EFR3A: variants seen among roughly 807,000 people sequenced by gnomAD.
EFR3A encodes EFR3 homolog A.
In EFR3A, 76 loss-of-function variants were observed where a neutral mutation model predicts 104.4. The ratio of observed to expected loss-of-function variants is 0.73; its 90% CI spans 0.60 to 0.88. EFR3A has a LOEUF of 0.88. EFR3A is among the 40% of genes least tolerant of loss of function. EFR3A has a pLI of 0.00. For synonymous variants in EFR3A, 330 were observed against 330.0 expected (o/e 1.00, Z 0.00); for missense variants, 985 against 1,012.5 (o/e 0.97, Z 0.37).
chr8:131,980,894 A>G (rs1031718755), intron 14 of EFR3A, among the ~76,000 whole-genome samples: 2 of 151,988 alleles, frequency 1.3e-5, no homozygotes, highest in Non-Finnish European at 2.9e-5. Context: ...AATTCCACAT[A>G]TAAGTGAGAT....
intron 1 of EFR3A, among the ~76,000 whole-genome samples, chr8:131,922,046 G>C (rs1817059253): frequency 1.3e-5 from 2 of 152,146 alleles, no homozygotes; most frequent in Non-Finnish European, 2.9e-5. Flanking sequence ...GCTTCTGAAG[G>C]CTCTAGGGAA....
At chr8:132,007,919 C>T (rs28421000) in intron 22 of EFR3A, among the ~76,000 whole-genome samples, 23,273 of 151,680 alleles carry the variant, frequency 0.15, 2,276 homozygotes, top group East Asian at 0.34. Flanking sequence ...AATCTCAATC[C>T]CTACCTTCCA....
intron 14 of EFR3A, among the ~76,000 whole-genome samples, chr8:131,981,021 TTATATA>T (rs762282805): frequency 9.8e-4 from 124 of 126,044 alleles, no homozygotes; most frequent in African/African-American, 2.9e-3. Context: ...GTATTTCATT[TTATATA>T]TATATATATA....
At chr8:131,961,099 A>G (rs1420392220) in intron 8 of EFR3A, among the ~76,000 whole-genome samples, 1 of 152,214 alleles carries the variant, frequency 6.6e-6, no homozygotes, top group Non-Finnish European at 1.5e-5. Context: ...AGATAAAACC[A>G]CAAAGATGGG....
intron 1 of EFR3A, among the ~76,000 whole-genome samples, chr8:131,939,052 G>A (rs1818040584): frequency 6.6e-6 from 1 of 152,028 alleles, no homozygotes; most frequent in Non-Finnish European, 1.5e-5. Context: ...ATGCTATTGG[G>A]AATCCTATCT....
chr8:131,909,376 G>GC (rs754440866), intron 1 of EFR3A, among the ~76,000 whole-genome samples: 8 of 151,782 alleles, frequency 5.3e-5, no homozygotes, highest in Non-Finnish European at 1.0e-4. Flanking sequence ...CATAGACCCC[G>GC]CCTCTACAGA....
At chr8:131,933,344 T>C (rs1563638172) in intron 1 of EFR3A, among the ~76,000 whole-genome samples, 1 of 152,132 alleles carries the variant, frequency 6.6e-6, no homozygotes, top group Non-Finnish European at 1.5e-5. Flanking sequence ...TGCAGTGTTG[T>C]ACAGTGGTGG....
chr8:131,948,195 G>A (rs997586553), intron 4 of EFR3A, among the ~76,000 whole-genome samples: 2 of 152,040 alleles, frequency 1.3e-5, no homozygotes, highest in Non-Finnish European at 1.5e-5. Flanking sequence ...GGAAGTATAC[G>A]AGGTGCTGAC....
Position 132,013,193 on chromosome 8 carries a change from C to A in EFR3A, c.*2298C>A, listed in dbSNP as rs1050752310. ...AAAACTCAATAAATTGTTAATCATT[C>A]TCTTTTTGCTGTATAGAATTGCTTA... On this transcript the variant is annotated 3_prime_UTR_variant, in exon 23 of 23. Coordinates refer to ENST00000254624, the MANE Select transcript of EFR3A (RefSeq NM_015137.6). The A allele has an allele frequency of 5.3e-5, 8 of 152,300 alleles. No individual in the cohort carries two copies. The highest frequency in any genetic ancestry group is 1.2e-4 in the Non-Finnish European group (8 of 68,024). 9.4% of individuals were successfully genotyped at this position (152,300 alleles called of 1,614,324 possible).
chr8:131,989,641 G>T (rs1323060749), intron 18 of EFR3A, among the ~76,000 whole-genome samples: 1 of 152,072 alleles, frequency 6.6e-6, no homozygotes, highest in Non-Finnish European at 1.5e-5. Flanking sequence ...GATCCAGATT[G>T]ATTTTTATCA....
rs1822335481 is a variant in EFR3A, at chr8:132,011,340, G to T, written c.*445G>T. ...GCAGATACATTTAAATATATTCCTAGTCCTGGGACTGCAAAACTGTTCGGT... is the reference window on the plus strand; with the variant it reads ...GCAGATACATTTAAATATATTCCTATTCCTGGGACTGCAAAACTGTTCGGT... On this transcript the variant is annotated 3_prime_UTR_variant, in exon 23 of 23. Transcript: ENST00000254624. 2 of 986,990 alleles carry T rather than the reference G, an allele frequency of 2.0e-6. No individual in the cohort carries two copies. The highest frequency in any genetic ancestry group is 2.4e-6 in the Non-Finnish European group (2 of 830,878). 61.1% of individuals were successfully genotyped at this position (986,990 alleles called of 1,614,324 possible).
intron 11 of EFR3A, 148 bp from the exon 12 acceptor site, chr8:131,976,893 T>C (rs940177698): frequency 4.1e-6 from 2 of 491,898 alleles, no homozygotes; most frequent in Non-Finnish European, 3.4e-6. Context: ...AATTTTACTT[T>C]GGCATGTGAA....
intron 1 of EFR3A, among the ~76,000 whole-genome samples, chr8:131,937,632 A>T (rs934630094): frequency 6.6e-6 from 1 of 152,150 alleles, no homozygotes; most frequent in African/African-American, 2.4e-5. Context: ...GTATTTATTG[A>T]ATATTTCCTA....
intron 6 of EFR3A, among the ~76,000 whole-genome samples, chr8:131,954,203 A>C (rs1215041885): frequency 6.6e-6 from 1 of 152,122 alleles, no homozygotes; most frequent in African/African-American, 2.4e-5. Flanking sequence ...TTTTAGAATA[A>C]GTTTACAGTT....
At chr8:131,911,636 C>T (rs973253842) in intron 1 of EFR3A, among the ~76,000 whole-genome samples, 2 of 152,122 alleles carry the variant, frequency 1.3e-5, no homozygotes, top group Admixed American at 1.3e-4. Context: ...ATTTATGTAA[C>T]GTATATATGC....
chr8:131,934,931 C>G lies in EFR3A; in HGVS notation c.11-5568C>G, dbSNP rs145057140. Among the ~76,000 whole-genome samples, 22 of 152,206 alleles carry G rather than the reference C, an allele frequency of 1.4e-4. No homozygotes were observed. The East Asian group carries it at 4.3e-3, about 29-fold the overall frequency. Reference sequence around the variant, plus strand: ...TGAAGTAAATGTCTTGTTCTGACATCAACTGAATGAGTAACTGGACTTTTA... The same window carrying G: ...TGAAGTAAATGTCTTGTTCTGACATGAACTGAATGAGTAACTGGACTTTTA... On this transcript the variant is annotated intron_variant, in intron 1 of 22. Transcript: ENST00000254624.
At position 131,936,165 on chromosome 8, in the gene EFR3A, G is replaced by C. The variant is rs1012290087; in HGVS notation, c.11-4334G>C. On this transcript the variant is annotated intron_variant, in intron 1 of 22. Coordinates refer to ENST00000254624, the MANE Select transcript of EFR3A (RefSeq NM_015137.6). ...GAGGAGGATGTTTCCTCTTCTAGAG[G>C]TCAATTGGCATCACTACTGTTTAGG... 3.9e-5 allele frequency among the ~76,000 whole-genome samples: 6 copies of C among 152,080 alleles called. No individual in the cohort carries two copies. In the South Asian group the frequency reaches 1.2e-3, roughly 31 times the overall value.
At chr8:131,909,840 G>A (rs898802438) in intron 1 of EFR3A, among the ~76,000 whole-genome samples, 1 of 152,190 alleles carries the variant, frequency 6.6e-6, no homozygotes, top group Non-Finnish European at 1.5e-5. Context: ...ATTGCCAAAT[G>A]TTCTCTGGGG....
chr8:131,996,910 G>A (rs1396906785), intron 19 of EFR3A, among the ~76,000 whole-genome samples: 3 of 152,076 alleles, frequency 2.0e-5, no homozygotes, highest in Non-Finnish European at 2.9e-5. Flanking sequence ...ATCCTCATGT[G>A]AAGCCAAATG....
Sources: gnomAD v4.1 joint callset for allele counts (sites outside exome capture counted in the v4.1 genomes callset) on GRCh38, gnomAD v4.1.1 for gene constraint, MANE v1.5 for transcripts, NCBI Gene and HGNC (gene_info 2026-07-23, HGNC 2026-07-21) for gene names.